The following SLC24A3 variants were observed in gnomAD, a reference collection of about 807,000 sequenced individuals.
SLC24A3 encodes the protein solute carrier family 24 member 3, also known as sodium/potassium/calcium exchanger 3.
A neutral mutation model predicts 75.8 loss-of-function variants in SLC24A3; 28 were observed. That is an observed-to-expected ratio of 0.37 (90% CI 0.27 to 0.51). The LOEUF is 0.51. SLC24A3 is among the 20% of genes least tolerant of loss of function. The pLI, the probability that SLC24A3 is intolerant of heterozygous loss-of-function variation, is 0.94. For missense variants in SLC24A3, 663 were observed against 847.8 expected (o/e 0.78, Z 2.71); for synonymous variants, 372 against 334.1 (o/e 1.11, Z -1.24).
chr20:19,655,540 G>A (rs2032255790), intron 7 of SLC24A3, among the ~76,000 whole-genome samples: 1 of 152,166 alleles, frequency 6.6e-6, no homozygotes, highest in Admixed American at 6.5e-5. Context: ...GCTGGTGAAA[G>A]TATTTCTGGC....
intron 4 of SLC24A3, among the ~76,000 whole-genome samples, chr20:19,584,770 G>C (rs1464023227): frequency 2.6e-5 from 4 of 152,224 alleles, no homozygotes; most frequent in Non-Finnish European, 5.9e-5. Flanking sequence ...ACTCAGCAGG[G>C]GATCGGCAGC....
chr20:19,606,002 C>T (rs1036220713), intron 6 of SLC24A3, among the ~76,000 whole-genome samples: 5 of 152,182 alleles, frequency 3.3e-5, no homozygotes, highest in African/African-American at 9.7e-5. Context: ...ACATCCTCAG[C>T]TTTGGTCTCA....
At chr20:19,472,865 G>A (rs1376552973) in intron 2 of SLC24A3, among the ~76,000 whole-genome samples, 1 of 152,220 alleles carries the variant, frequency 6.6e-6, no homozygotes. Flanking sequence ...TGGGCCCCTA[G>A]CAGGGTTCCC....
At chr20:19,316,032 G>C (rs1321891316) in intron 2 of SLC24A3, among the ~76,000 whole-genome samples, 2 of 152,252 alleles carry the variant, frequency 1.3e-5, no homozygotes, top group Admixed American at 1.3e-4. Flanking sequence ...ACAATGTACT[G>C]CAGAATGCAC....
rs186517911 is a variant in SLC24A3 at position 19,234,157 on chromosome 20, A to G, written c.142+21173A>G. On this transcript the variant is annotated intron_variant, in intron 1 of 16. Coordinates refer to ENST00000328041, the MANE Select transcript of SLC24A3 (RefSeq NM_020689.4). ...CTTCTGCATGTCATAAATTTTGCTA[A>G]TAGTATAAACCCGTGTTTTTCAAAG... is the stretch of plus-strand genomic sequence containing the variant. Among the ~76,000 whole-genome samples, 24 of 152,338 alleles carry G rather than the reference A, an allele frequency of 1.6e-4. No individual in the cohort carries two copies. In the East Asian group the frequency reaches 4.6e-3, roughly 29 times the overall value.
At chr20:19,653,593 G>T (rs1255832840) in intron 6 of SLC24A3, among the ~76,000 whole-genome samples, 1 of 152,202 alleles carries the variant, frequency 6.6e-6, no homozygotes, top group Non-Finnish European at 1.5e-5. Context: ...CACAGGTTAG[G>T]ATTGCTCCTC....
chr20:19,278,519 T>C (rs6112285), intron 1 of SLC24A3, among the ~76,000 whole-genome samples: 9,543 of 152,328 alleles, frequency 0.063, 411 homozygotes, highest in Non-Finnish European at 0.092. Flanking sequence ...AGTTTAAGGC[T>C]ACTAACCTTA....
At chr20:19,435,407 T>A (rs1212090319) in intron 2 of SLC24A3, among the ~76,000 whole-genome samples, 2 of 152,244 alleles carry the variant, frequency 1.3e-5, no homozygotes, top group African/African-American at 4.8e-5. Flanking sequence ...AAAAAAGACA[T>A]TCGTTGTCAC....
At chr20:19,577,993 A>G (rs1301484822) in intron 3 of SLC24A3, among the ~76,000 whole-genome samples, 4 of 152,218 alleles carry the variant, frequency 2.6e-5, no homozygotes, top group Middle Eastern at 3.2e-3. Context: ...TTACGATCTT[A>G]TGGAAGAGAC....
chr20:19,502,238 G>A (rs939917535), intron 2 of SLC24A3, among the ~76,000 whole-genome samples: 8 of 152,206 alleles, frequency 5.3e-5, no homozygotes, highest in Admixed American at 5.2e-4. Flanking sequence ...TGAAAATTGG[G>A]GGAAATCTCA....
intron 2 of SLC24A3, among the ~76,000 whole-genome samples, chr20:19,443,376 A>G: frequency 6.9e-6 from 1 of 143,960 alleles, no homozygotes; most frequent in East Asian, 2.0e-4. Flanking sequence ...TTATATTTTT[A>G]TACAGATCTT....
intron 1 of SLC24A3, among the ~76,000 whole-genome samples, chr20:19,218,714 C>A (rs1293456796): frequency 6.6e-6 from 1 of 151,032 alleles, no homozygotes. Context: ...TTTTCTTCAC[C>A]CTGGAGGGTT....
At chr20:19,628,658 C>G (rs1464539173) in intron 6 of SLC24A3, among the ~76,000 whole-genome samples, 3 of 152,122 alleles carry the variant, frequency 2.0e-5, no homozygotes, top group African/African-American at 7.2e-5. Flanking sequence ...ACTTTTGATA[C>G]CTGGGGGCCA....
intron 3 of SLC24A3, among the ~76,000 whole-genome samples, chr20:19,550,408 A>G (rs1388364498): frequency 1.3e-5 from 2 of 152,200 alleles, no homozygotes. Context: ...ACTTCTCTCA[A>G]AGAGAGAAGG....
Position 19,664,925 on chromosome 20 carries a change from C to G in SLC24A3, c.688-939C>G, listed in dbSNP as rs560689768. Among the ~76,000 whole-genome samples the G allele has an allele frequency of 3.0e-4, 45 of 152,298 alleles. No individual in the cohort carries two copies. In the South Asian group the frequency reaches 5.2e-3, roughly 18 times the overall value. On this transcript the variant is annotated intron_variant, in intron 7 of 16. Coordinates refer to ENST00000328041, the MANE Select transcript of SLC24A3 (RefSeq NM_020689.4). ...CGGAGCTGGGGCTGAGTTCTCGAGCCAATTCTGCAGCAAATGGAGCAAGCC... is the reference window on the plus strand; with the variant it reads ...CGGAGCTGGGGCTGAGTTCTCGAGCGAATTCTGCAGCAAATGGAGCAAGCC...
At chr20:19,319,418 A>T (rs929461703) in intron 2 of SLC24A3, among the ~76,000 whole-genome samples, 1 of 152,232 alleles carries the variant, frequency 6.6e-6, no homozygotes, top group African/African-American at 2.4e-5. Context: ...TGTGATACCT[A>T]CCACAGCAAC....
intron 6 of SLC24A3, among the ~76,000 whole-genome samples, chr20:19,636,914 G>C (rs1457744927): frequency 1.3e-5 from 2 of 152,150 alleles, no homozygotes; most frequent in African/African-American, 4.8e-5. Flanking sequence ...TTCTCAGAGA[G>C]CTTCACAGGG....
chr20:19,519,321 C>A (rs931063159), intron 3 of SLC24A3, among the ~76,000 whole-genome samples: 6 of 152,174 alleles, frequency 3.9e-5, no homozygotes, highest in African/African-American at 1.4e-4. Flanking sequence ...AGCTTGCATT[C>A]TTTTTGTTTT....
At chr20:19,247,843 G>A (rs766488280) in intron 1 of SLC24A3, among the ~76,000 whole-genome samples, 1 of 152,160 alleles carries the variant, frequency 6.6e-6, no homozygotes, top group East Asian at 1.9e-4. Flanking sequence ...CTTTTTAGAT[G>A]TTTTATATCT....
Sources: allele counts gnomAD v4.1 joint callset (sites outside exome capture counted in the v4.1 genomes callset), GRCh38; gene constraint gnomAD v4.1.1; transcripts MANE v1.5; gene names NCBI Gene and HGNC (gene_info 2026-07-23, HGNC 2026-07-21).